The following AHCY variants were observed in gnomAD, a reference collection of about 807,000 sequenced individuals.
AHCY encodes the protein adenosylhomocysteinase.
Under a neutral mutation model 45.4 loss-of-function variants are expected in AHCY, and 24 were observed. The ratio of observed to expected loss-of-function variants is 0.53; its 90% CI spans 0.38 to 0.74. AHCY has a LOEUF of 0.74. Among genes scored for constraint, AHCY ranks in the 30% least tolerant of loss-of-function variants. AHCY has a pLI of 0.00. For synonymous variants in AHCY, 245 were observed against 235.1 expected (o/e 1.04, Z -0.39); for missense variants, 449 against 594.1 (o/e 0.76, Z 2.54).
At chr20:34,260,513 G>A in the AHCY span, 4 of 1,613,270 alleles carry the variant, frequency 2.5e-6, no homozygotes, top group South Asian at 1.1e-5. Context: ...CCTACTGGAT[G>A]TCCCTTCTGT....
downstream of AHCY, among the ~76,000 whole-genome samples, chr20:34,276,942 G>A (rs979761598): frequency 6.6e-6 from 1 of 152,064 alleles, no homozygotes; most frequent in East Asian, 1.9e-4. Flanking sequence ...ATGAGAATCC[G>A]GATTCCTGGG....
At chr20:34,292,170 G>A (rs1225664648) in intron 4 of AHCY, among the ~76,000 whole-genome samples, 188 bp downstream of exon 4, 6 of 152,242 alleles carry the variant, frequency 3.9e-5, no homozygotes, top group Non-Finnish European at 8.8e-5. Context: ...CATCAGCTCA[G>A]CTGCCCTAGC....
the AHCY span, among the ~76,000 whole-genome samples, chr20:34,239,177 C>T: frequency 2.0e-5 from 3 of 152,274 alleles, no homozygotes; most frequent in East Asian, 5.8e-4. Flanking sequence ...CATCTCACCA[C>T]CTAATATCCA....
At chr20:34,282,676 A>C (rs1193821422) in intron 9 of AHCY, among the ~76,000 whole-genome samples, 1 of 152,226 alleles carries the variant, frequency 6.6e-6, no homozygotes, top group Non-Finnish European at 1.5e-5. Flanking sequence ...TGACAGAGCT[A>C]GGATTTGAAC....
intron 1 of AHCY, among the ~76,000 whole-genome samples, chr20:34,310,844 A>C (rs1045244567): frequency 1.3e-5 from 2 of 151,948 alleles, no homozygotes; most frequent in South Asian, 4.2e-4. Flanking sequence ...AAAAAACGAC[A>C]GTCGGGCGTG....
At chr20:34,277,754 CAA>C (rs59920283), downstream of AHCY, among the ~76,000 whole-genome samples, 8 of 39,740 alleles carry the variant, frequency 2.0e-4, no homozygotes, top group African/African-American at 4.6e-4. Context: ...GACTCCATCT[CAA>C]AAAAAAAAAA....
intron 1 of AHCY, among the ~76,000 whole-genome samples, chr20:34,299,013 T>C (rs1037427638): frequency 2.6e-5 from 4 of 152,272 alleles, no homozygotes; most frequent in South Asian, 4.2e-4. Context: ...TTCTGCCTTA[T>C]ATGCAATAAA....
chr20:34,283,599 C>A (rs2122721353), intron 9 of AHCY, among the ~76,000 whole-genome samples: 1 of 86,464 alleles, frequency 1.2e-5, no homozygotes, highest in East Asian at 3.5e-4. Flanking sequence ...CACTTCCAAC[C>A]CTGCCCTCAT....
At chr20:34,254,024 A>G in the AHCY span, among the ~76,000 whole-genome samples, 1 of 151,958 alleles carries the variant, frequency 6.6e-6, no homozygotes, top group African/African-American at 2.4e-5. Context: ...ACAGCTACTC[A>G]TTGCTGTCAG....
At chr20:34,269,301 A>C in the AHCY span, 1 of 1,165,000 alleles carries the variant, frequency 8.6e-7, no homozygotes, top group East Asian at 2.9e-5. Flanking sequence ...CTTCAGGGAG[A>C]CCTGGCTTGG....
chr20:34,263,442 G>A, the AHCY span, among the ~76,000 whole-genome samples: 1 of 151,930 alleles, frequency 6.6e-6, no homozygotes, highest in Non-Finnish European at 1.5e-5. Flanking sequence ...GTGGGCGCCT[G>A]TAATCCCAGC....
intron 4 of AHCY, 117 bp downstream of exon 4, chr20:34,292,241 C>T: frequency 7.3e-7 from 1 of 1,360,702 alleles, no homozygotes; most frequent in Non-Finnish European, 1.0e-6. Flanking sequence ...ATCCTCCCAT[C>T]TTCCAGATCC....
chr20:34,266,754 C>T, the AHCY span, among the ~76,000 whole-genome samples: 10 of 152,188 alleles, frequency 6.6e-5, no homozygotes, highest in Admixed American at 6.6e-4. Context: ...ACCAAACTGA[C>T]CCTTTCAAGT....
intron 8 of AHCY, among the ~76,000 whole-genome samples, chr20:34,287,480 T>A (rs1340500623): frequency 6.8e-6 from 1 of 146,812 alleles, no homozygotes; most frequent in Non-Finnish European, 1.5e-5. Context: ...AACCTCCACC[T>A]CCTGGGTTCA....
At chr20:34,269,033 CT>C in the AHCY span, 3 of 1,607,478 alleles carry the variant, frequency 1.9e-6, no homozygotes, top group Non-Finnish European at 2.5e-6. Flanking sequence ...CCGGACCCCC[CT>C]ATCTGCGCCC....
chr20:34,295,379 C>G lies in AHCY; in HGVS notation c.219+16G>C. 3 of 1,613,844 alleles carry G rather than the reference C, an allele frequency of 1.9e-6. No homozygotes were observed. Among genetic ancestry groups the G allele is most frequent in the Non-Finnish European group, 2.5e-6 (3 of 1,179,892 alleles). On this transcript the variant is annotated intron_variant, in intron 2 of 9. Coordinates refer to ENST00000217426, the MANE Select transcript of AHCY (RefSeq NM_000687.4). ...GGAGGGCAAGGACTCTGGGGTGATA[C>G]AGCTGTGGGCCTCACCTCAGCACCC...
At chr20:34,232,021 G>A in the AHCY span, among the ~76,000 whole-genome samples, 1 of 152,208 alleles carries the variant, frequency 6.6e-6, no homozygotes, top group African/African-American at 2.4e-5. Flanking sequence ...ACAGCAAGCA[G>A]CATGAGCATT....
At chr20:34,246,211 T>C in the AHCY span, 1 of 1,450,478 alleles carries the variant, frequency 6.9e-7, no homozygotes, top group Non-Finnish European at 9.4e-7. Flanking sequence ...GCTTTTGTGG[T>C]ATGGTCTTCT....
At chr20:34,253,300 G>C in the AHCY span, among the ~76,000 whole-genome samples, 3 of 150,984 alleles carry the variant, frequency 2.0e-5, no homozygotes, top group Non-Finnish European at 4.4e-5. Flanking sequence ...TAGAGACGGG[G>C]TTTCACCATG....
Sources: gnomAD v4.1 joint callset for allele counts (sites outside exome capture counted in the v4.1 genomes callset) on GRCh38, gnomAD v4.1.1 for gene constraint, MANE v1.5 for transcripts, NCBI Gene and HGNC (gene_info 2026-07-23, HGNC 2026-07-21) for gene names.